The following CSMD1 variants were observed in gnomAD, a reference collection of about 807,000 sequenced individuals.
CSMD1 encodes the protein CUB and sushi domain-containing protein 1.
CSMD1 carries 213 observed loss-of-function variants against 417.5 expected under a neutral mutation model. That is an observed-to-expected ratio of 0.51 (90% CI 0.46 to 0.57). The LOEUF is 0.57. Ranked by LOEUF, CSMD1 falls within the 20% of genes least tolerant of loss-of-function variation. The pLI, the probability that CSMD1 is intolerant of heterozygous loss-of-function variation, is 0.00. For missense variants in CSMD1, 6,923 were observed against 4,529.7 expected, an observed-to-expected ratio of 1.53 and a Z score of -15.17; for synonymous variants, 2,862 against 1,736.8, an observed-to-expected ratio of 1.65 and a Z score of -16.11.
At chr8:4,093,091 A>G (rs1031378499) in intron 3 of CSMD1, among the ~76,000 whole-genome samples, 10 of 152,178 alleles carry the variant, frequency 6.6e-5, no homozygotes, top group Admixed American at 4.6e-4. Context: ...TAACCACATA[A>G]TTAACTCAAA....
intron 1 of CSMD1, among the ~76,000 whole-genome samples, chr8:4,922,960 A>G (rs1021461185): frequency 2.6e-5 from 4 of 152,150 alleles, no homozygotes; most frequent in Non-Finnish European, 4.4e-5. Flanking sequence ...CACACTTTCC[A>G]TCACAGAAAT....
At chr8:3,097,618 G>A (rs574274542) in intron 46 of CSMD1, among the ~76,000 whole-genome samples, 2 of 152,240 alleles carry the variant, frequency 1.3e-5, no homozygotes, top group South Asian at 4.1e-4. Context: ...CATAGCCCGG[G>A]GATGATGACA....
At chr8:4,320,204 A>G (rs935684053) in intron 3 of CSMD1, among the ~76,000 whole-genome samples, 15 of 152,214 alleles carry the variant, frequency 9.9e-5, no homozygotes, top group East Asian at 3.9e-4. Flanking sequence ...AAAATGTGTG[A>G]TATCTCGCAT....
chr8:3,404,071 G>A (rs112381028), intron 15 of CSMD1, among the ~76,000 whole-genome samples: 2 of 152,142 alleles, frequency 1.3e-5, no homozygotes, highest in Non-Finnish European at 2.9e-5. Context: ...AGTATTACCA[G>A]ACGATACTAT....
chr8:4,123,948 C>G (rs1404422070), intron 3 of CSMD1, among the ~76,000 whole-genome samples: 1 of 151,684 alleles, frequency 6.6e-6, no homozygotes, highest in Non-Finnish European at 1.5e-5. Context: ...AATTACAACT[C>G]AAAAAAGCTG....
chr8:4,388,886 T>C (rs1803651738), intron 3 of CSMD1, among the ~76,000 whole-genome samples: 1 of 152,204 alleles, frequency 6.6e-6, no homozygotes, highest in Admixed American at 6.5e-5. Flanking sequence ...ACGTCTCCTC[T>C]TCATCTTCTC....
intron 1 of CSMD1, among the ~76,000 whole-genome samples, chr8:4,710,578 G>C (rs899402129): frequency 1.3e-5 from 2 of 151,084 alleles, no homozygotes; most frequent in East Asian, 3.9e-4. Flanking sequence ...GGGTGCGGTG[G>C]CTCACGCTTG....
intron 37 of CSMD1, among the ~76,000 whole-genome samples, chr8:3,170,410 G>T (rs1243388042): frequency 6.6e-5 from 10 of 152,004 alleles, no homozygotes. Flanking sequence ...GGGTTTCACT[G>T]TGTTAGCCAG....
At chr8:4,671,005 T>C (rs1392152694) in intron 1 of CSMD1, among the ~76,000 whole-genome samples, 1 of 152,210 alleles carries the variant, frequency 6.6e-6, no homozygotes, top group Non-Finnish European at 1.5e-5. Flanking sequence ...CTCCTTAAGC[T>C]TGCCTACATT....
At chr8:4,119,107 G>A (rs1277505681) in intron 3 of CSMD1, among the ~76,000 whole-genome samples, 1 of 152,088 alleles carries the variant, frequency 6.6e-6, no homozygotes, top group Non-Finnish European at 1.5e-5. Flanking sequence ...GGGGACAAGA[G>A]AAGGGAGATC....
chr8:4,678,964 C>G (rs188357961), intron 1 of CSMD1, among the ~76,000 whole-genome samples: 121 of 152,302 alleles, frequency 7.9e-4, no homozygotes, highest in African/African-American at 2.8e-3. Flanking sequence ...ACCAGCTATG[C>G]TAAGAGTTGT....
Position 4,114,085 on chromosome 8 carries a change from C to G in CSMD1, c.416-81986G>C, listed in dbSNP as rs185721881. ...AGATTTTCCATGTAGACAAAACAGC[C>G]TTATGTAGGAAGAAGATGCCATCTA... On this transcript the variant is annotated intron_variant, in intron 3 of 69. Coordinates refer to ENST00000635120, the MANE Select transcript of CSMD1 (RefSeq NM_033225.6). Among the ~76,000 whole-genome samples, 32 of 152,272 alleles carry G rather than the reference C, an allele frequency of 2.1e-4. No homozygotes were observed. In the East Asian group the frequency reaches 2.1e-3, roughly 10 times the overall value.
intron 1 of CSMD1, chr8:4,787,303 C>A: frequency 1.4e-6 from 1 of 697,254 alleles, no homozygotes. Context: ...CTTACCGGCG[C>A]GGTCGCAGCC....
chr8:3,166,186 T>C (rs1820200808), intron 37 of CSMD1, among the ~76,000 whole-genome samples: 1 of 152,102 alleles, frequency 6.6e-6, no homozygotes, highest in Admixed American at 6.5e-5. Flanking sequence ...AATCATGTAC[T>C]TTAAAAAAAA....
At chr8:4,355,275 C>A (rs112557965) in intron 3 of CSMD1, among the ~76,000 whole-genome samples, 5 of 151,416 alleles carry the variant, frequency 3.3e-5, no homozygotes, top group Admixed American at 6.6e-5. Flanking sequence ...AATAAATATA[C>A]CTTTTGTGGA....
intron 5 of CSMD1, among the ~76,000 whole-genome samples, chr8:3,947,460 G>C (rs994983970): frequency 5.9e-5 from 9 of 151,864 alleles, no homozygotes; most frequent in Middle Eastern, 3.2e-3. Flanking sequence ...TTCTGTTTTC[G>C]TTTCATCCAG....
intron 8 of CSMD1, among the ~76,000 whole-genome samples, chr8:3,588,381 G>C (rs1050388237): frequency 6.6e-6 from 1 of 152,090 alleles, no homozygotes; most frequent in Non-Finnish European, 1.5e-5. Context: ...AGAGTCCTCG[G>C]GTAGGAAGAG....
intron 21 of CSMD1, among the ~76,000 whole-genome samples, chr8:3,353,749 T>C (rs561657379): frequency 2.7e-3 from 287 of 107,998 alleles, no homozygotes; most frequent in Non-Finnish European, 4.6e-3. Flanking sequence ...TTAATACTAA[T>C]TTAAGATGAA....
At chr8:4,183,208 C>A (rs1024393056) in intron 3 of CSMD1, among the ~76,000 whole-genome samples, 3 of 152,182 alleles carry the variant, frequency 2.0e-5, no homozygotes, top group East Asian at 1.9e-4. Flanking sequence ...AATGGGTATA[C>A]AGAGTTTGGA....
Sources: allele counts gnomAD v4.1 joint callset (sites outside exome capture counted in the v4.1 genomes callset), GRCh38; gene constraint gnomAD v4.1.1; transcripts MANE v1.5; gene names NCBI Gene and HGNC (gene_info 2026-07-23, HGNC 2026-07-21).